The following NFIB variants were observed in gnomAD, a reference collection of about 807,000 sequenced individuals.
NFIB encodes nuclear factor I B, also known as nuclear factor 1 B-type.
In NFIB, 11 loss-of-function variants were observed where a neutral mutation model predicts 61.5. The ratio of observed to expected loss-of-function variants is 0.18; its 90% CI spans 0.11 to 0.30. The LOEUF (loss-of-function observed/expected upper bound fraction) is 0.30, where lower values mean the gene tolerates loss of function less well. Ranked by LOEUF, NFIB falls within the 10% of genes least tolerant of loss-of-function variation. The probability of loss-of-function intolerance (pLI) is 1.00; values close to 1 mark genes in which losing one functional copy is unlikely to be tolerated. For missense variants in NFIB, 471 were observed against 608.9 expected (o/e 0.77, Z 2.38); for synonymous variants, 260 against 216.5 (o/e 1.20, Z -1.76).
the NFIB span, among the ~76,000 whole-genome samples, chr9:14,419,805 G>C: frequency 6.6e-6 from 1 of 152,140 alleles, no homozygotes; most frequent in South Asian, 2.1e-4. Flanking sequence ...CACTGCCCAC[G>C]CAGCTTTGTC....
At chr9:14,334,662 T>A (rs1309815487) in intron 1 of NFIB, among the ~76,000 whole-genome samples, 1 of 152,176 alleles carries the variant, frequency 6.6e-6, no homozygotes, top group African/African-American at 2.4e-5. Flanking sequence ...GTTGCAATAT[T>A]TTTTTTAAAA....
chr9:14,506,516 T>G, the NFIB span, among the ~76,000 whole-genome samples: 7 of 152,150 alleles, frequency 4.6e-5, no homozygotes, highest in Non-Finnish European at 1.0e-4. Context: ...AAATAAAGGT[T>G]TCATAAGGAC....
the NFIB span, among the ~76,000 whole-genome samples, chr9:14,480,033 T>TTTTTG: frequency 6.6e-6 from 1 of 151,430 alleles, no homozygotes; most frequent in Non-Finnish European, 1.5e-5. Context: ...GAAAGGTTTT[T>TTTTTG]TTTTGTTTTG....
At chr9:14,451,038 T>C in the NFIB span, among the ~76,000 whole-genome samples, 2 of 152,200 alleles carry the variant, frequency 1.3e-5, no homozygotes, top group Non-Finnish European at 2.9e-5. Context: ...GAGCAGGGAT[T>C]TTGGTCCAGG....
intron 2 of NFIB, among the ~76,000 whole-genome samples, chr9:14,301,296 T>C (rs1042856483): frequency 6.6e-6 from 1 of 152,212 alleles, no homozygotes; most frequent in Non-Finnish European, 1.5e-5. Context: ...TCTCGAACAA[T>C]GCATATTATT....
intron 3 of NFIB, among the ~76,000 whole-genome samples, chr9:14,160,321 A>G (rs2044006994): frequency 6.6e-6 from 1 of 152,206 alleles, no homozygotes; most frequent in Non-Finnish European, 1.5e-5. Context: ...CTAACTGTTA[A>G]TATCTCAAAT....
intron 1 of NFIB, among the ~76,000 whole-genome samples, chr9:14,323,072 C>T (rs2060700941): frequency 6.6e-6 from 1 of 152,248 alleles, no homozygotes; most frequent in Non-Finnish European, 1.5e-5. Flanking sequence ...GCTTCAACTT[C>T]GCCAGGCCAC....
intron 1 of NFIB, among the ~76,000 whole-genome samples, chr9:14,330,950 C>G (rs2060814279): frequency 6.6e-6 from 1 of 152,080 alleles, no homozygotes; most frequent in Admixed American, 6.5e-5. Flanking sequence ...CCCCTCTGTA[C>G]TGAGTTTCCC....
intron 1 of NFIB, among the ~76,000 whole-genome samples, chr9:14,320,911 C>G (rs1248011675): frequency 1.3e-5 from 2 of 152,074 alleles, no homozygotes; most frequent in Admixed American, 1.3e-4. Context: ...ATTTTGGCGC[C>G]TTTTCCCTGC....
At chr9:14,394,027 C>T (rs916998587) in intron 1 of NFIB, among the ~76,000 whole-genome samples, 1 of 152,228 alleles carries the variant, frequency 6.6e-6, no homozygotes, top group Non-Finnish European at 1.5e-5. Context: ...CATCCACCCA[C>T]TCATCCATCT....
Position 14,307,143 on chromosome 9 carries a change from G to A in NFIB, c.408C>T (p.Ile136=). The A allele has an allele frequency of 6.2e-7, 1 of 1,614,084 alleles. No homozygotes were observed. The highest frequency in any genetic ancestry group is 8.5e-7 in the Non-Finnish European group (1 of 1,180,018). ...TTTCCAAGGGGATGCCTTTGAACAGGATCACCATGACTAGATCCAGACGCC... is the reference window on the plus strand; with the variant it reads ...TTTCCAAGGGGATGCCTTTGAACAGAATCACCATGACTAGATCCAGACGCC... ...KVWRLDLVMV[I]LFKGIPLEST... Residue 136 remains isoleucine (I), a synonymous_variant, in exon 2 of 11, where the codon ATC becomes ATT. Transcript: ENST00000380953. The surrounding 1 kb of genome is among the most constrained non-coding windows in gnomAD (Gnocchi z 5.3).
At chr9:14,231,145 T>A (rs1269159563) in intron 2 of NFIB, among the ~76,000 whole-genome samples, 38 of 132,622 alleles carry the variant, frequency 2.9e-4, no homozygotes, top group African/African-American at 8.6e-4. Context: ...AATATATATA[T>A]ATATATATAT....
At chr9:14,353,876 T>C (rs2061144175) in intron 1 of NFIB, among the ~76,000 whole-genome samples, 1 of 146,354 alleles carries the variant, frequency 6.8e-6, no homozygotes, top group African/African-American at 2.6e-5. Context: ...TTTTTTTGCA[T>C]GCAATTGAGG....
At chr9:14,140,940 T>C (rs989024935) in intron 6 of NFIB, among the ~76,000 whole-genome samples, 1 of 152,252 alleles carries the variant, frequency 6.6e-6, no homozygotes, top group African/African-American at 2.4e-5. Context: ...ACAGAAATGC[T>C]GGCCTCTGAT....
At chr9:14,129,709 C>A (rs763734038) in intron 6 of NFIB, among the ~76,000 whole-genome samples, 47 of 152,094 alleles carry the variant, frequency 3.1e-4, no homozygotes, top group Non-Finnish European at 6.5e-4. Context: ...CCACGCTTTA[C>A]ACAATCTACT....
intron 2 of NFIB, among the ~76,000 whole-genome samples, chr9:14,236,622 C>T (rs927604393): frequency 2.0e-5 from 3 of 152,096 alleles, no homozygotes; most frequent in Admixed American, 6.5e-5. Context: ...ACAGTCCTCA[C>T]GTCATTGCTA....
At chr9:14,454,689 G>A in the NFIB span, among the ~76,000 whole-genome samples, 3 of 152,122 alleles carry the variant, frequency 2.0e-5, no homozygotes, top group African/African-American at 7.2e-5. Context: ...TTATTGCTGT[G>A]GTAATTGTTC....
chr9:14,406,030 G>A, the NFIB span, among the ~76,000 whole-genome samples: 1 of 152,158 alleles, frequency 6.6e-6, no homozygotes, highest in Non-Finnish European at 1.5e-5. Context: ...TATTAAAATA[G>A]GCTTTGGGCC....
rs964176743 is a variant in NFIB at position 14,194,868 on chromosome 9, T to C, written c.563-15088A>G. Reference sequence around the variant, plus strand: ...ATCCACTTACCAATTTCACAGAAGATAGAACAAAATAACACTGAGATAACG... The same window carrying C: ...ATCCACTTACCAATTTCACAGAAGACAGAACAAAATAACACTGAGATAACG... On this transcript the variant is annotated intron_variant, in intron 2 of 10. Coordinates refer to ENST00000380953, the MANE Select transcript of NFIB (RefSeq NM_001190737.2). Among the ~76,000 whole-genome samples the C allele has an allele frequency of 2.6e-5, 4 of 152,166 alleles. No homozygotes were observed. In the East Asian group the frequency reaches 5.8e-4, roughly 22 times the overall value.
Sources: gnomAD v4.1 joint callset for allele counts (sites outside exome capture counted in the v4.1 genomes callset) on GRCh38, gnomAD v4.1.1 for gene constraint, Gnocchi (gnomAD v3.1) non-coding constraint, MANE v1.5 for transcripts, NCBI Gene and HGNC (gene_info 2026-07-23, HGNC 2026-07-21) for gene names.